The following ASCC3 variants were observed in gnomAD, a reference collection of about 807,000 sequenced individuals.
ASCC3 encodes the protein activating signal cointegrator 1 complex subunit 3.
In ASCC3, 158 loss-of-function variants were observed where a neutral mutation model predicts 256.3. That is an observed-to-expected ratio of 0.62 (90% CI 0.54 to 0.70). ASCC3 has a LOEUF of 0.70. ASCC3 is among the 30% of genes least tolerant of loss of function. The probability of loss-of-function intolerance (pLI) is 0.00; values close to 1 mark genes in which losing one functional copy is unlikely to be tolerated. For missense variants in ASCC3, 2,259 were observed against 2,626.0 expected (o/e 0.86, Z 3.05); for synonymous variants, 948 against 883.4 (o/e 1.07, Z -1.30).
At chr6:100,584,855 C>G (rs1208544225) in intron 36 of ASCC3, among the ~76,000 whole-genome samples, 4 of 152,054 alleles carry the variant, frequency 2.6e-5, no homozygotes, top group Non-Finnish European at 5.9e-5. Flanking sequence ...CTTAGTTTGG[C>G]TGGATATGAA....
At chr6:100,838,848 G>GT (rs576779587) in intron 4 of ASCC3, among the ~76,000 whole-genome samples, 101 of 151,978 alleles carry the variant, frequency 6.6e-4, no homozygotes, top group Non-Finnish European at 1.2e-3. Flanking sequence ...GTGTATGTAT[G>GT]TATGTGCTCA....
chr6:100,708,724 C>T (rs1458835877), intron 13 of ASCC3, among the ~76,000 whole-genome samples: 1 of 151,942 alleles, frequency 6.6e-6, no homozygotes, highest in Non-Finnish European at 1.5e-5. Context: ...TTGCCCATGT[C>T]AACAGGCAAA....
At chr6:100,739,873 T>TA (rs1780347009) in intron 10 of ASCC3, among the ~76,000 whole-genome samples, 1 of 152,018 alleles carries the variant, frequency 6.6e-6, no homozygotes, top group South Asian at 2.1e-4. Flanking sequence ...TTAATTTTTT[T>TA]AAAAAAACAG....
chr6:100,727,282 T>A (rs1582767333), intron 10 of ASCC3, among the ~76,000 whole-genome samples: 1 of 151,936 alleles, frequency 6.6e-6, no homozygotes, highest in Non-Finnish European at 1.5e-5. Context: ...AAGCCCTATA[T>A]CAAACATACC....
At chr6:100,515,282 A>C (rs1773967067) in intron 39 of ASCC3, among the ~76,000 whole-genome samples, 2 of 152,162 alleles carry the variant, frequency 1.3e-5, no homozygotes, top group Admixed American at 1.3e-4. Flanking sequence ...TGAATATTTA[A>C]ATAGTATTTT....
intron 36 of ASCC3, among the ~76,000 whole-genome samples, chr6:100,562,139 T>C (rs768599452): frequency 8.5e-5 from 13 of 152,068 alleles, no homozygotes; most frequent in Non-Finnish European, 1.5e-5. Flanking sequence ...TTGGAAAACA[T>C]TGTGAAATAA....
At chr6:100,728,170 AG>A (rs1303753150) in intron 10 of ASCC3, among the ~76,000 whole-genome samples, 3 of 152,068 alleles carry the variant, frequency 2.0e-5, no homozygotes, top group African/African-American at 7.2e-5. Flanking sequence ...TTAACACATG[AG>A]CCAAACAATT....
rs749963143 is a variant in ASCC3 at position 100,661,323 on chromosome 6, TCACACA to T, written c.2703+477_2703+482del. Among the ~76,000 whole-genome samples, 1,042 of 141,596 alleles carry T rather than the reference TCACACA, an allele frequency of 7.4e-3. 10 individuals carry two copies. The highest frequency in any genetic ancestry group is 0.012 in the Non-Finnish European group (744 of 64,428). 92.9% of individuals were successfully genotyped at this position (141,596 alleles called of 152,430 possible). ...TGCTATGTAAATCTTAACACAAAAG[TCACACA>T]CACACACACACACACACACACACAC... On this transcript the variant is annotated intron_variant, in intron 16 of 41. Coordinates refer to ENST00000369162, the MANE Select transcript of ASCC3 (RefSeq NM_006828.4).
At chr6:100,720,430 TG>T (rs1247439097) in intron 11 of ASCC3, among the ~76,000 whole-genome samples, 10 of 151,824 alleles carry the variant, frequency 6.6e-5, no homozygotes, top group Non-Finnish European at 1.2e-4. Flanking sequence ...CATAGATGGA[TG>T]GGTGGAGTTA....
intron 12 of ASCC3, among the ~76,000 whole-genome samples, chr6:100,717,556 G>C (rs974611747): frequency 1.3e-5 from 2 of 151,844 alleles, no homozygotes; most frequent in Non-Finnish European, 2.9e-5. Flanking sequence ...ACTTTTTAAA[G>C]CATAGAATTT....
At chr6:100,663,288 C>G (rs909390772) in intron 14 of ASCC3, among the ~76,000 whole-genome samples, 5 of 152,044 alleles carry the variant, frequency 3.3e-5, no homozygotes, top group Non-Finnish European at 5.9e-5. Context: ...CTGAGGTCAA[C>G]TGTGGTCCAA....
intron 4 of ASCC3, among the ~76,000 whole-genome samples, chr6:100,810,110 G>A (rs1172253866): frequency 6.6e-6 from 1 of 152,048 alleles, no homozygotes; most frequent in African/African-American, 2.4e-5. Flanking sequence ...GTCCCAATAA[G>A]CCAGTCTGGC....
At chr6:100,768,485 G>A (rs555439036) in intron 8 of ASCC3, among the ~76,000 whole-genome samples, 111 of 152,228 alleles carry the variant, frequency 7.3e-4, no homozygotes, top group Non-Finnish European at 1.4e-3. Flanking sequence ...CAGCAAAACA[G>A]AAAGCCATTT....
chr6:100,711,612 C>A (rs1168295836), intron 13 of ASCC3, among the ~76,000 whole-genome samples: 1 of 152,072 alleles, frequency 6.6e-6, no homozygotes, highest in Non-Finnish European at 1.5e-5. Flanking sequence ...TGCCTGTAAT[C>A]CCAGCTACTT....
intron 36 of ASCC3, among the ~76,000 whole-genome samples, chr6:100,573,260 C>T (rs1261875228): frequency 6.6e-6 from 1 of 151,976 alleles, no homozygotes; most frequent in South Asian, 2.1e-4. Flanking sequence ...TTAGTTAAAA[C>T]AGCATTTTGG....
chr6:100,642,482 T>C, intron 24 of ASCC3, 99 bp downstream of exon 24: 1 of 1,244,184 alleles, frequency 8.0e-7, no homozygotes, highest in Non-Finnish European at 1.2e-6. Flanking sequence ...TTATAATGAT[T>C]ACAAGTAAAA....
At chr6:100,730,359 G>A (rs999810966) in intron 10 of ASCC3, among the ~76,000 whole-genome samples, 3 of 150,374 alleles carry the variant, frequency 2.0e-5, no homozygotes, top group Non-Finnish European at 4.4e-5. Context: ...TTTTCAAAAT[G>A]TATCTTACAA....
At chr6:100,775,646 T>C (rs1782151856) in intron 8 of ASCC3, among the ~76,000 whole-genome samples, 1 of 152,106 alleles carries the variant, frequency 6.6e-6, no homozygotes, top group Non-Finnish European at 1.5e-5. Flanking sequence ...CAGAACATGC[T>C]GAATAGAAAC....
chr6:100,655,670 A>T (rs1775880305), intron 17 of ASCC3, 29 bp downstream of exon 17: 16 of 1,527,058 alleles, frequency 1.0e-5, no homozygotes, highest in Middle Eastern at 1.7e-4. Context: ...GAAGGTCTGA[A>T]TTTTTTTTTT....
Sources: gnomAD v4.1 joint callset for allele counts (sites outside exome capture counted in the v4.1 genomes callset) on GRCh38, gnomAD v4.1.1 for gene constraint, MANE v1.5 for transcripts, NCBI Gene and HGNC (gene_info 2026-07-23, HGNC 2026-07-21) for gene names.